MICAL2: variants seen among roughly 807,000 people sequenced by gnomAD.
MICAL2 encodes microtubule associated monooxygenase, calponin and LIM domain containing 2.
A neutral mutation model predicts 127.3 loss-of-function variants in MICAL2; 77 were observed. That is an observed-to-expected ratio of 0.60 (90% confidence interval 0.50 to 0.73). MICAL2 has a LOEUF of 0.73. Ranked by LOEUF, MICAL2 falls within the 30% of genes least tolerant of loss-of-function variation. MICAL2 has a pLI of 0.00. For synonymous variants in MICAL2, 570 were observed against 551.1 expected (o/e 1.03, Z -0.48); for missense variants, 1,351 against 1,434.4 (o/e 0.94, Z 0.94).
At chr11:12,176,867 C>G (rs11022226) in intron 3 of MICAL2, among the ~76,000 whole-genome samples, 24,026 of 152,066 alleles carry the variant, frequency 0.16, 2,911 homozygotes, top group East Asian at 0.44. Flanking sequence ...ATTTTTGTAT[C>G]TGTTCACTCA....
At position 12,225,321 on chromosome 11, in the gene MICAL2, A is replaced by G. The variant is rs531297561; in HGVS notation, c.1688+501A>G. On this transcript the variant is annotated intron_variant, in intron 13 of 27. Transcript: ENST00000683283. Reference sequence around the variant, plus strand: ...GCAGGGTCATTGGGGAGATCAGGTTATGTTTGAGGAAACACTGTGGTGCTA... The same window carrying G: ...GCAGGGTCATTGGGGAGATCAGGTTGTGTTTGAGGAAACACTGTGGTGCTA... 5.3e-5 allele frequency among the ~76,000 whole-genome samples: 8 copies of G among 152,332 alleles called. No individual in the cohort carries two copies. The East Asian group carries it at 1.4e-3, about 26-fold the overall frequency.
Position 12,255,730 on chromosome 11 carries a change from C to A in MICAL2, c.2935C>A (p.Gln979Lys). 6.2e-7 allele frequency: 1 copy of A among 1,613,690 alleles called. No homozygotes were observed. ...LYMNDHRPKA[Q>K]ATSPDLESMR... ...CATGAATGATCACAGACCTAAGGCC[C>A]AGGCCACCTCTCCAGACCTGGTAAG... The change falls in exon 23 of 28, where the codon CAG becomes AAG. Residue 979 changes from glutamine (Q) to lysine (K), a missense_variant. By Grantham distance (53) the Gln-to-Lys change is moderately conservative (BLOSUM62 1). Coordinates refer to ENST00000683283, the MANE Select transcript of MICAL2 (RefSeq NM_001282663.2).
chr11:12,311,298 T>C (rs1044948429), intron 29 of MICAL2, among the ~76,000 whole-genome samples: 24 of 152,206 alleles, frequency 1.6e-4, no homozygotes, highest in African/African-American at 5.3e-4. Context: ...TATCACTGTA[T>C]TGAATTTACT....
chr11:12,313,961 A>AATTT (rs1177699989), intron 29 of MICAL2, among the ~76,000 whole-genome samples: 2 of 43,792 alleles, frequency 4.6e-5, no homozygotes, highest in African/African-American at 1.9e-4. Context: ...TCTTGGTCTG[A>AATTT]TTTTTTTTTT....
At chr11:12,294,294 C>A, downstream of MICAL2, 1 of 1,614,174 alleles carries the variant, frequency 6.2e-7, no homozygotes, top group Non-Finnish European at 8.5e-7. Flanking sequence ...CTTTCCAACT[C>A]TGAAGGCGGG....
intron 29 of MICAL2, among the ~76,000 whole-genome samples, chr11:12,297,912 T>A (rs1393332922): frequency 1.3e-5 from 2 of 151,896 alleles, no homozygotes; most frequent in Non-Finnish European, 2.9e-5. Flanking sequence ...TCTAATTTTA[T>A]GTATTTATAT....
At chr11:12,282,819 A>C (rs916275757) in intron 2 of MICAL2, among the ~76,000 whole-genome samples, 16 of 152,226 alleles carry the variant, frequency 1.1e-4, no homozygotes, top group Non-Finnish European at 2.1e-4. Context: ...ACAGTTCCTC[A>C]GAAAATGCAG....
chr11:12,279,622 G>A (rs938779178), intron 1 of MICAL2, among the ~76,000 whole-genome samples: 1 of 152,192 alleles, frequency 6.6e-6, no homozygotes, highest in Non-Finnish European at 1.5e-5. Context: ...GTCCAAGGGT[G>A]GTCCTCATTC....
At chr11:12,333,103 T>A (rs1252812493) in intron 32 of MICAL2, among the ~76,000 whole-genome samples, 1 of 152,152 alleles carries the variant, frequency 6.6e-6, no homozygotes, top group East Asian at 1.9e-4. Context: ...TTGCAAGTTG[T>A]TTTTTAAAAA....
intron 29 of MICAL2, among the ~76,000 whole-genome samples, chr11:12,303,163 T>C (rs1379953626): frequency 6.6e-6 from 1 of 152,288 alleles, no homozygotes; most frequent in Non-Finnish European, 1.5e-5. Context: ...CCTTGATACA[T>C]GGGGATTATG....
At chr11:12,210,529 C>A (rs1855321354) in intron 6 of MICAL2, among the ~76,000 whole-genome samples, 1 of 152,218 alleles carries the variant, frequency 6.6e-6, no homozygotes, top group Non-Finnish European at 1.5e-5. Context: ...TGCCACATAA[C>A]TGGGGCTGTT....
intron 3 of MICAL2, among the ~76,000 whole-genome samples, chr11:12,167,027 C>A (rs923437693): frequency 6.6e-6 from 1 of 152,052 alleles, no homozygotes; most frequent in African/African-American, 2.4e-5. Context: ...AAAACGCCTC[C>A]TGGTCCAGGC....
At chr11:12,188,507 C>T (rs2134001898) in intron 3 of MICAL2, among the ~76,000 whole-genome samples, 1 of 152,284 alleles carries the variant, frequency 6.6e-6, no homozygotes, top group Admixed American at 6.5e-5. Context: ...GAACATCCTA[C>T]AATGCACAGG....
At chr11:12,126,196 C>T (rs1850907389) in intron 1 of MICAL2, among the ~76,000 whole-genome samples, 1 of 152,244 alleles carries the variant, frequency 6.6e-6, no homozygotes, top group Non-Finnish European at 1.5e-5. Context: ...AGCTGGTGCT[C>T]AAAGCGTGCA....
rs1317311852 is a variant in MICAL2 at position 12,223,420 on chromosome 11, T to C, written c.1459T>C (p.Leu487=). The C allele has an allele frequency of 1.9e-6, 3 of 1,613,554 alleles. No homozygotes were observed. The highest frequency in any genetic ancestry group is 2.5e-6 in the Non-Finnish European group (3 of 1,179,688). The change falls in exon 12 of 28, where the codon TTG becomes CTG. Residue 487 remains leucine, a synonymous_variant. Transcript: ENST00000683283. ...TCTCTCTTGCTCATAGGTGAAGCAT[T>C]TGTATATCACTAAGGAGCTGGAGCA... ...HCVRPHQVKH[L]YITKELEHYP... is the part of the protein sequence containing the mutation.
At chr11:12,196,343 T>G (rs193149297) in intron 3 of MICAL2, 1 of 151,978 alleles carries the variant, frequency 6.6e-6, no homozygotes, top group Non-Finnish European at 1.5e-5. Context: ...AGATCTGTTA[T>G]GTGAGTAATG....
chr11:12,233,143 T>C (rs1858527478), intron 15 of MICAL2, among the ~76,000 whole-genome samples: 1 of 152,236 alleles, frequency 6.6e-6, no homozygotes, highest in Non-Finnish European at 1.5e-5. Flanking sequence ...GGGAGACTAC[T>C]GTCTAGCACG....
rs374411199 is a variant in MICAL2 at position 12,258,459 on chromosome 11, T to G, written c.3143-9T>G. The G allele has an allele frequency of 1.9e-6, 3 of 1,613,582 alleles. No individual in the cohort carries two copies. The highest frequency in any genetic ancestry group is 2.5e-6 in the Non-Finnish European group (3 of 1,179,488). On this transcript the variant is annotated splice_polypyrimidine_tract_variant and intron_variant, in intron 24 of 27. Coordinates refer to ENST00000683283, the MANE Select transcript of MICAL2 (RefSeq NM_001282663.2). ...AAATTTTTCTGTATGTGTGTGCCTC[T>G]TTTTACAGGCAAATTTTACTGCAAG... is the stretch of plus-strand genomic sequence containing the variant.
downstream of MICAL2, among the ~76,000 whole-genome samples, chr11:12,265,247 C>G (rs984117200): frequency 6.6e-6 from 1 of 152,192 alleles, no homozygotes; most frequent in African/African-American, 2.4e-5. Context: ...AGTCAGCTGT[C>G]CCATACTTAT....
Sources: allele counts gnomAD v4.1 joint callset (sites outside exome capture counted in the v4.1 genomes callset), GRCh38; gene constraint gnomAD v4.1.1; transcripts MANE v1.5; gene names NCBI Gene and HGNC (gene_info 2026-07-23, HGNC 2026-07-21).